Variants in RYR2 observed in about 807,000 individuals in gnomAD.
RYR2 encodes cardiac muscle ryanodine receptor-calcium release channel.
RYR2 carries 227 observed loss-of-function variants against 601.1 expected under a neutral mutation model. That is an observed-to-expected ratio of 0.38 (90% confidence interval 0.34 to 0.42). The LOEUF (loss-of-function observed/expected upper bound fraction) is 0.42, where lower values mean the gene tolerates loss of function less well. Among genes scored for constraint, RYR2 ranks in the 10% least tolerant of loss-of-function variants. The pLI is 1.00. For missense variants in RYR2, 4,646 were observed against 6,156.5 expected (o/e 0.75, Z 8.21); for synonymous variants, 2,223 against 2,175.1 (o/e 1.02, Z -0.61).
chr1:237,576,558 C>A (rs578028091), intron 29 of RYR2, among the ~76,000 whole-genome samples: 1 of 152,080 alleles, frequency 6.6e-6, no homozygotes, highest in African/African-American at 2.4e-5. Flanking sequence ...ATGGTCACTT[C>A]TTCACACCCT....
At chr1:237,489,236 A>G (rs547454394) in intron 17 of RYR2, among the ~76,000 whole-genome samples, 16 of 152,338 alleles carry the variant, frequency 1.1e-4, no homozygotes, top group African/African-American at 3.8e-4. Context: ...GACACTTCTC[A>G]AAAGAAGACA....
rs759555189 is a variant in RYR2 at position 237,795,344 on chromosome 1, G to A, written c.13956+13G>A. ...TGTTAAAAGAAAGGTAATATTACTT[G>A]GAATCCTCTACATTTTTCTTAAAGC... is the stretch of plus-strand genomic sequence containing the variant. On this transcript the variant is annotated intron_variant, in intron 96 of 104. Transcript: ENST00000366574. 2.2e-6 allele frequency: 3 copies of A among 1,349,680 alleles called. No homozygotes were observed. In the East Asian group the frequency reaches 7.6e-5, roughly 34 times the overall value. 83.6% of individuals were successfully genotyped at this position (1,349,680 alleles called of 1,614,324 possible). A position where few individuals can be genotyped will look rare whatever the true frequency, so the allele number is the denominator to read the frequency against.
At chr1:237,081,618 T>TA (rs1305599265) in intron 1 of RYR2, among the ~76,000 whole-genome samples, 2 of 151,730 alleles carry the variant, frequency 1.3e-5, no homozygotes, top group African/African-American at 4.8e-5. Context: ...CACACACACA[T>TA]ACGCACACAC....
At chr1:237,117,810 A>G (rs1253350052) in intron 1 of RYR2, among the ~76,000 whole-genome samples, 1 of 151,754 alleles carries the variant, frequency 6.6e-6, no homozygotes, top group East Asian at 1.9e-4. Flanking sequence ...CAATGGCACA[A>G]TCTCGGCTCA....
intron 1 of RYR2, among the ~76,000 whole-genome samples, chr1:237,148,640 AGGCAGCATG>A (rs1465365502): frequency 1.3e-5 from 2 of 150,942 alleles, no homozygotes; most frequent in Non-Finnish European, 2.9e-5. Flanking sequence ...TTATTGAAAA[AGGCAGCATG>A]GGAGAATAGA....
intron 1 of RYR2, among the ~76,000 whole-genome samples, chr1:237,219,396 A>G (rs1408428002): frequency 2.6e-5 from 4 of 152,164 alleles, no homozygotes; most frequent in Non-Finnish European, 5.9e-5. Context: ...CGACGTGTCA[A>G]TGTCTGGAGG....
intron 1 of RYR2, among the ~76,000 whole-genome samples, chr1:237,231,333 T>C (rs1156538616): frequency 6.6e-6 from 1 of 151,782 alleles, no homozygotes; most frequent in Non-Finnish European, 1.5e-5. Flanking sequence ...TTTCTTTTTT[T>C]TTTTCTGAAT....
At chr1:237,389,212 C>T (rs549073840) in intron 10 of RYR2, among the ~76,000 whole-genome samples, 29 of 152,188 alleles carry the variant, frequency 1.9e-4, no homozygotes, top group Middle Eastern at 3.4e-3. Flanking sequence ...TTTTAAGACA[C>T]TTGGATAAGG....
chr1:237,090,608 C>T (rs1420529014), intron 1 of RYR2, among the ~76,000 whole-genome samples: 1 of 152,138 alleles, frequency 6.6e-6, no homozygotes, highest in Non-Finnish European at 1.5e-5. Flanking sequence ...ATTATGTTTG[C>T]AGTAATTTGT....
intron 13 of RYR2, among the ~76,000 whole-genome samples, 193 bp from the exon 14 acceptor site, chr1:237,445,208 A>C (rs1002910402): frequency 6.6e-6 from 1 of 152,154 alleles, no homozygotes; most frequent in African/African-American, 2.4e-5. Flanking sequence ...AACTAAATGA[A>C]TAAATGGAAT....
rs142958213 is a variant in RYR2, at chr1:237,231,306, T to TTTTC, written c.49-39171_49-39168dup. Among the ~76,000 whole-genome samples, 1,311 of 151,326 alleles carry TTTTC rather than the reference T, an allele frequency of 8.7e-3. 24 individuals carry two copies. Among genetic ancestry groups the TTTTC allele is most frequent in the African/African-American group, 0.03 (1,212 of 41,020 alleles). ...TTTTTTAAATAGAGATAGTGTCTTT[T>TTTTC]TTTCTTTCTTTCTTTCTTTCTTTTT... is the stretch of plus-strand genomic sequence containing the variant. On this transcript the variant is annotated intron_variant, in intron 1 of 104. Coordinates refer to ENST00000366574, the MANE Select transcript of RYR2 (RefSeq NM_001035.3).
rs534417628 is a variant in RYR2, at chr1:237,364,038, A to G, written c.295-320A>G. Among the ~76,000 whole-genome samples, 145 of 152,288 alleles carry G rather than the reference A, an allele frequency of 9.5e-4. 1 individual carries two copies. The highest frequency in any genetic ancestry group is 3.2e-3 in the African/African-American group (133 of 41,590). On this transcript the variant is annotated intron_variant, in intron 4 of 104. Coordinates refer to ENST00000366574, the MANE Select transcript of RYR2 (RefSeq NM_001035.3). ...TTTAAAAAGCATTTGCAGAGGATCA[A>G]TTTTTAAGATGATACCTTTTTTGGT...
intron 2 of RYR2, among the ~76,000 whole-genome samples, chr1:237,298,794 G>A (rs1482224282): frequency 2.0e-5 from 3 of 152,234 alleles, no homozygotes; most frequent in South Asian, 2.1e-4. Context: ...GAAGCTGGGA[G>A]TTTGAGACCA....
chr1:237,209,429 G>A (rs1439421465), intron 1 of RYR2, among the ~76,000 whole-genome samples: 5 of 150,956 alleles, frequency 3.3e-5, no homozygotes, highest in African/African-American at 7.3e-5. Context: ...AGATATATAT[G>A]TCTTATTTAC....
intron 20 of RYR2, among the ~76,000 whole-genome samples, chr1:237,497,807 G>T (rs772768119): frequency 5.9e-5 from 9 of 152,068 alleles, no homozygotes; most frequent in Non-Finnish European, 1.3e-4. Context: ...TTCATTGAGT[G>T]CCAATAGCTC....
At chr1:237,177,449 T>C (rs978196667) in intron 1 of RYR2, among the ~76,000 whole-genome samples, 1 of 152,214 alleles carries the variant, frequency 6.6e-6, no homozygotes. Context: ...ATTCCTATCC[T>C]GAATTCTAAG....
At chr1:237,165,961 A>G (rs1676669519) in intron 1 of RYR2, among the ~76,000 whole-genome samples, 1 of 152,136 alleles carries the variant, frequency 6.6e-6, no homozygotes, top group Admixed American at 6.5e-5. Context: ...CTGCTGCTGC[A>G]CTCCAGCCTG....
chr1:237,831,491 G>C, intron 103 of RYR2, 23 bp from the exon 104 acceptor site: 1 of 1,362,370 alleles, frequency 7.3e-7, no homozygotes, highest in Non-Finnish European at 1.0e-6. Flanking sequence ...GTTCATTTCT[G>C]ATCAGTTTCT....
chr1:237,116,137 C>A (rs531930362), intron 1 of RYR2, among the ~76,000 whole-genome samples: 1 of 152,188 alleles, frequency 6.6e-6, no homozygotes, highest in South Asian at 2.1e-4. Context: ...CTTTGTGGAT[C>A]CTTGTGAATC....
Sources: allele counts gnomAD v4.1 joint callset (sites outside exome capture counted in the v4.1 genomes callset), GRCh38; gene constraint gnomAD v4.1.1; transcripts MANE v1.5; gene names NCBI Gene and HGNC (gene_info 2026-07-23, HGNC 2026-07-21).